The following PTCH1 variants were observed in gnomAD, a reference collection of about 807,000 sequenced individuals.
PTCH1 encodes patched 1, also known as protein patched homolog 1.
A neutral mutation model predicts 144.6 loss-of-function variants in PTCH1; 14 were observed. That is an observed-to-expected ratio of 0.10 (90% CI 0.06 to 0.15). PTCH1 has a LOEUF of 0.15. Ranked by LOEUF, PTCH1 falls within the 10% of genes least tolerant of loss-of-function variation. The pLI, the probability that PTCH1 is intolerant of heterozygous loss-of-function variation, is 1.00. For synonymous variants in PTCH1, 833 were observed against 793.6 expected (o/e 1.05, Z -0.83); for missense variants, 1,623 against 1,948.3 (o/e 0.83, Z 3.14).
At chr9:95,457,793 C>G (rs541453927) in intron 18 of PTCH1, among the ~76,000 whole-genome samples, 2 of 152,162 alleles carry the variant, frequency 1.3e-5, no homozygotes, top group African/African-American at 2.4e-5. Context: ...TATCTTTCCA[C>G]AAAAATCTTC....
Position 95,456,378 on chromosome 9 carries a change from G to T in PTCH1, c.3204C>A (p.Phe1068Leu), listed in dbSNP as rs762419846. The T allele has an allele frequency of 1.9e-6, 3 of 1,613,906 alleles. No homozygotes were observed. Among genetic ancestry groups the T allele is most frequent in the Non-Finnish European group, 2.5e-6 (3 of 1,180,038 alleles). ...TGATTCCGATGAGGCCCATCATGCCGAACAGCTCGACCGTCATCAGCGCCA... is the reference window on the plus strand; with the variant it reads ...TGATTCCGATGAGGCCCATCATGCCTAACAGCTCGACCGTCATCAGCGCCA... Reference protein sequence around the residue: ...MVLALMTVELFGMMGLIGIKL... With the variant: ...MVLALMTVELLGMMGLIGIKL... The change falls in exon 19 of 24, where the codon TTC becomes TTA. Residue 1068 changes from phenylalanine to leucine, a missense_variant. Phe to Leu is a conservative substitution (Grantham distance 22, BLOSUM62 0). Around this residue, in one of 7 missense-constraint regions of PTCH1, gnomAD observed 504 missense variants for 679.3 expected, o/e 0.74. Transcript: ENST00000331920.
chr9:95,456,790 T>TC (rs1838973922), intron 18 of PTCH1, among the ~76,000 whole-genome samples: 1 of 152,162 alleles, frequency 6.6e-6, no homozygotes, highest in Non-Finnish European at 1.5e-5. Flanking sequence ...CCATCTCTCC[T>TC]CCTGCTTGGG....
At chr9:95,514,913 G>T (rs1457695047) in intron 1 of PTCH1, among the ~76,000 whole-genome samples, 2 of 152,154 alleles carry the variant, frequency 1.3e-5, no homozygotes, top group Non-Finnish European at 2.9e-5. Flanking sequence ...GGGGCCTATT[G>T]ATGTCTACCT....
At chr9:95,506,790 G>T in intron 1 of PTCH1, 191 bp from the exon 2 acceptor site, 1 of 1,094,344 alleles carries the variant, frequency 9.1e-7, no homozygotes, top group Non-Finnish European at 1.2e-6. Flanking sequence ...TCATAAAGCC[G>T]GGCCGCAGCG....
At chr9:95,488,956 G>A (rs1842185672) in intron 2 of PTCH1, among the ~76,000 whole-genome samples, 1 of 152,184 alleles carries the variant, frequency 6.6e-6, no homozygotes, top group Admixed American at 6.5e-5. Flanking sequence ...AGAGAAGGGA[G>A]GCAAGTGTGG....
At chr9:95,470,360 A>T (rs1264135908) in intron 12 of PTCH1, among the ~76,000 whole-genome samples, 5 of 152,230 alleles carry the variant, frequency 3.3e-5, no homozygotes, top group Non-Finnish European at 7.3e-5. Flanking sequence ...TGGATCGAGT[A>T]TATCAAAATG....
At chr9:95,511,309 C>G (rs890350761), upstream of PTCH1, among the ~76,000 whole-genome samples, 2 of 152,076 alleles carry the variant, frequency 1.3e-5, no homozygotes, top group African/African-American at 4.8e-5. Flanking sequence ...TCGCCCCGCT[C>G]CCTCCCTCAA....
intron 2 of PTCH1, among the ~76,000 whole-genome samples, chr9:95,493,900 C>CCAA (rs1842611634): frequency 1.3e-5 from 2 of 152,120 alleles, no homozygotes; most frequent in Admixed American, 1.3e-4. Flanking sequence ...TCAGGAGGAG[C>CCAA]CAACCGCTGT....
chr9:95,471,398 A>C (rs770223041), intron 12 of PTCH1, among the ~76,000 whole-genome samples: 2 of 152,184 alleles, frequency 1.3e-5, no homozygotes, highest in African/African-American at 2.4e-5. Flanking sequence ...TCCTTCATCA[A>C]CTGAAAAATA....
intron 20 of PTCH1, chr9:95,452,546 T>C (rs1838553354): frequency 6.6e-6 from 1 of 152,206 alleles, no homozygotes; most frequent in Non-Finnish European, 1.5e-5. Flanking sequence ...AAGAAGCAAG[T>C]GGTTTCCTCC....
intron 1 of PTCH1, among the ~76,000 whole-genome samples, chr9:95,515,316 T>C (rs954753667): frequency 3.9e-5 from 6 of 152,208 alleles, no homozygotes; most frequent in African/African-American, 1.4e-4. Context: ...ATTGTGGCTC[T>C]TTATTATTTA....
intron 9 of PTCH1, 22 bp from the exon 10 acceptor site, chr9:95,477,724 C>A: frequency 6.2e-7 from 1 of 1,613,704 alleles, no homozygotes; most frequent in Non-Finnish European, 8.5e-7. Flanking sequence ...ACAATGGGGG[C>A]ACAGAACAAA....
At chr9:95,511,737 G>C (rs921868048), upstream of PTCH1, among the ~76,000 whole-genome samples, 4 of 152,328 alleles carry the variant, frequency 2.6e-5, no homozygotes, top group African/African-American at 9.6e-5. Context: ...CACAAAACAG[G>C]AAAAGAGGTT....
intron 2 of PTCH1, among the ~76,000 whole-genome samples, chr9:95,491,936 T>C (rs77224875): frequency 0.027 from 4,183 of 152,330 alleles, 75 homozygotes; most frequent in Non-Finnish European, 0.045. Flanking sequence ...GATGGGCTTA[T>C]TGAAAACTAA....
rs757997132 is a variant in PTCH1 at position 95,447,228 on chromosome 9, C to T, written c.4028G>A (p.Gly1343Glu). ...GTTCCGAGGGTTGTGAGAACGGGCC[C>T]CGCGAGGGCCCCAGCGGGCCCTATT... ...PSNRARWGPR[G>E]ARSHNPRNPA... Residue 1343 changes from glycine to glutamate, a missense_variant, in exon 23 of 24, where the codon GGG (glycine) becomes GAG (glutamate). Around this residue, in one of 7 missense-constraint regions of PTCH1, gnomAD observed 291 missense variants for 287.4 expected, o/e 1.01. Transcript: ENST00000331920. 4 of 1,611,576 alleles carry T rather than the reference C, an allele frequency of 2.5e-6. No individual in the cohort carries two copies. The South Asian group carries it at 4.4e-5, about 18-fold the overall frequency.
At chr9:95,500,734 T>C (rs922916357) in intron 2 of PTCH1, among the ~76,000 whole-genome samples, 2 of 151,880 alleles carry the variant, frequency 1.3e-5, no homozygotes, top group African/African-American at 2.4e-5. Context: ...CACCAAGGAG[T>C]TCACACACTA....
intron 3 of PTCH1, 104 bp from the exon 4 acceptor site, chr9:95,482,307 T>G: frequency 1.7e-6 from 2 of 1,153,112 alleles, no homozygotes; most frequent in Non-Finnish European, 2.5e-6. Context: ...TTTCGATCAC[T>G]TTTAAGCATC....
chr9:95,493,186 C>A (rs542009123), intron 2 of PTCH1, among the ~76,000 whole-genome samples: 13 of 152,220 alleles, frequency 8.5e-5, no homozygotes, highest in African/African-American at 3.1e-4. Flanking sequence ...CCACTGTAGA[C>A]AAGAGATGTT....
rs143565988 is a variant in PTCH1, at chr9:95,476,136, C to T, written c.1626G>A (p.Lys542=). The T allele has an allele frequency of 5.0e-6, 8 of 1,613,212 alleles. No homozygotes were observed. Among genetic ancestry groups the T allele is most frequent in the Non-Finnish European group, 6.8e-6 (8 of 1,179,648 alleles). The change falls in exon 12 of 24, where the codon AAG becomes AAA. Residue 542 remains lysine, a synonymous_variant. Coordinates refer to ENST00000331920, the MANE Select transcript of PTCH1 (RefSeq NM_000264.5). The surrounding 1 kb of genome is among the most constrained non-coding windows in gnomAD (Gnocchi z 4.6). ...TGAGGGCCACGCTGGCTCCTGTGCG[C>T]TTCAGGCACTCCCCGGTCCTGTCCT... ...PFEDRTGECL[K]RTGASVALTS... is the part of the protein sequence containing the mutation.
Sources: allele counts gnomAD v4.1 joint callset (sites outside exome capture counted in the v4.1 genomes callset), GRCh38; gene constraint gnomAD v4.1.1; regional missense constraint gnomAD v4.1.1; non-coding constraint Gnocchi (gnomAD v3.1); transcripts MANE v1.5; gene names NCBI Gene and HGNC (gene_info 2026-07-23, HGNC 2026-07-21).